The following HIP1 variants were observed in gnomAD, a reference collection of about 807,000 sequenced individuals.
The protein encoded by HIP1 is huntingtin interacting protein 1, also known as huntingtin-interacting protein 1.
Under a neutral mutation model 147.6 loss-of-function variants are expected in HIP1, and 65 were observed. That is an observed-to-expected ratio of 0.44 (90% CI 0.36 to 0.54). HIP1 has a LOEUF of 0.54. Ranked by LOEUF, HIP1 falls within the 20% of genes least tolerant of loss-of-function variation. The probability of loss-of-function intolerance (pLI) is 0.00; values close to 1 mark genes in which losing one functional copy is unlikely to be tolerated. For missense variants in HIP1, 1,061 were observed against 1,299.6 expected, an observed-to-expected ratio of 0.82 and a Z score of 2.82; for synonymous variants, 479 against 504.0, an observed-to-expected ratio of 0.95 and a Z score of 0.67.
chr7:75,584,200 G>T (rs1263002004), intron 5 of HIP1, among the ~76,000 whole-genome samples: 1 of 151,320 alleles, frequency 6.6e-6, no homozygotes, highest in East Asian at 1.9e-4. Context: ...CTGACCTCAG[G>T]TGATCCACCC....
chr7:75,592,543 T>A, intron 2 of HIP1, 29 bp from the exon 3 acceptor site: 1 of 1,604,920 alleles, frequency 6.2e-7, no homozygotes, highest in Admixed American at 1.8e-5. Flanking sequence ...AAACAACGGA[T>A]GGGCTCTGCC....
At chr7:75,729,992 G>A (rs1462559511) in intron 1 of HIP1, among the ~76,000 whole-genome samples, 7 of 152,112 alleles carry the variant, frequency 4.6e-5, no homozygotes, top group African/African-American at 1.7e-4. Flanking sequence ...AGGGCAGGAA[G>A]GAGGGAGGGC....
rs537252292 is a variant in HIP1, at chr7:75,728,195, C to G, written c.120+10606G>C. Among the ~76,000 whole-genome samples, 3 of 152,356 alleles carry G rather than the reference C, an allele frequency of 2.0e-5. No individual in the cohort carries two copies. The East Asian group carries it at 5.8e-4, about 29-fold the overall frequency. ...AGGCCACACTGGCTTCCTGAGCTGT[C>G]TTGTGGCAGTATTAGCAGAGGCAGC... is the stretch of plus-strand genomic sequence containing the variant. On this transcript the variant is annotated intron_variant, in intron 1 of 30. Transcript: ENST00000336926.
intron 1 of HIP1, among the ~76,000 whole-genome samples, chr7:75,636,277 C>T (rs1178039939): frequency 1.3e-5 from 2 of 148,964 alleles, no homozygotes; most frequent in Non-Finnish European, 3.0e-5. Context: ...CCTGAACCCG[C>T]GAGGCAGAGG....
chr7:75,604,782 C>T (rs1402303719), intron 1 of HIP1, among the ~76,000 whole-genome samples: 3 of 152,052 alleles, frequency 2.0e-5, no homozygotes, highest in African/African-American at 7.2e-5. Context: ...TTAGATTTAC[C>T]CTAAAAATAA....
Position 75,537,388 on chromosome 7 carries a change from T to C in HIP1, c.*784A>G, listed in dbSNP as rs78816005. 3.3e-4 allele frequency: 77 copies of C among 232,526 alleles called. No individual in the cohort carries two copies. The East Asian group carries it at 4.2e-3, about 13-fold the overall frequency. The allele number at this position is 232,526 out of a possible 1,614,324, so 14.4% of individuals were successfully genotyped here. ...ACTGGGTGGGCCAGCACTTGGTCAG[T>C]GTGGAGGCGGAGATGGAGCACCGAG... On this transcript the variant is annotated 3_prime_UTR_variant, in exon 31 of 31. Coordinates refer to ENST00000336926, the MANE Select transcript of HIP1 (RefSeq NM_005338.7).
At chr7:75,728,295 T>A (rs1801718207) in intron 1 of HIP1, among the ~76,000 whole-genome samples, 1 of 152,154 alleles carries the variant, frequency 6.6e-6, no homozygotes, top group South Asian at 2.1e-4. Context: ...TAAATCACGG[T>A]CCCTCTCCCC....
At position 75,535,170 on chromosome 7, in the gene HIP1, G is replaced by C. The variant is rs973513131; in HGVS notation, c.*3002C>G. ...CTTCTGTTTAAGTGCTTTCTTAACC[G>C]TTATGACTCAGGCTAAGTCGATGAA... On this transcript the variant is annotated 3_prime_UTR_variant, in exon 31 of 31. Transcript: ENST00000336926. 5 of 213,364 alleles carry C rather than the reference G, an allele frequency of 2.3e-5. No individual in the cohort carries two copies. Among genetic ancestry groups the C allele is most frequent in the Non-Finnish European group, 4.7e-5 (5 of 105,500 alleles). The allele number at this position is 213,364 out of a possible 1,614,324, so 13.2% of individuals were successfully genotyped here. A position where few individuals can be genotyped will look rare whatever the true frequency, so the allele number is the denominator to read the frequency against.
chr7:75,556,010 C>T lies in HIP1; in HGVS notation c.1827+16G>A. 2 of 1,613,496 alleles carry T rather than the reference C, an allele frequency of 1.2e-6. No homozygotes were observed. The highest frequency in any genetic ancestry group is 8.5e-7 in the Non-Finnish European group (1 of 1,179,632). On this transcript the variant is annotated intron_variant, in intron 18 of 30. Coordinates refer to ENST00000336926, the MANE Select transcript of HIP1 (RefSeq NM_005338.7). Reference sequence around the variant, plus strand: ...GAATTCACAGGTGCTCGCTCGTGTCCATGTCCGTGACTTGCCTCTGTGCTG... The same window carrying T: ...GAATTCACAGGTGCTCGCTCGTGTCTATGTCCGTGACTTGCCTCTGTGCTG...
At chr7:75,657,445 G>A (rs1364971422) in intron 1 of HIP1, among the ~76,000 whole-genome samples, 2 of 150,330 alleles carry the variant, frequency 1.3e-5, no homozygotes, top group African/African-American at 2.4e-5. Flanking sequence ...CAGGAGAATC[G>A]CTTGAACCCG....
At chr7:75,733,205 C>A (rs62475481) in intron 1 of HIP1, among the ~76,000 whole-genome samples, 14,441 of 151,996 alleles carry the variant, frequency 0.095, 845 homozygotes, top group Middle Eastern at 0.15. Context: ...ACCTGGAGTC[C>A]TGGTTTTGAA....
intron 1 of HIP1, among the ~76,000 whole-genome samples, chr7:75,651,031 T>C (rs1554511876): frequency 6.6e-6 from 1 of 151,968 alleles, no homozygotes; most frequent in East Asian, 1.9e-4. Flanking sequence ...TGCTTATTCA[T>C]CCCGCACATT....
chr7:75,544,923 GT>G lies in HIP1; in HGVS notation c.2661-124del, dbSNP rs1245810678. On this transcript the variant is annotated intron_variant, in intron 26 of 30. Coordinates refer to ENST00000336926, the MANE Select transcript of HIP1 (RefSeq NM_005338.7). ...AGGGAGGGGAGGCTGCCTGCCCTGTGTCCCCTGGGAGAGCCAGGCTCCCTTG... is the reference window on the plus strand; with the variant it reads ...AGGGAGGGGAGGCTGCCTGCCCTGTGCCCCTGGGAGAGCCAGGCTCCCTTG... The G allele has an allele frequency of 9.6e-5, 73 of 759,444 alleles. No individual in the cohort carries two copies. In the African/African-American group the frequency reaches 1.2e-3, roughly 12 times the overall value. The allele number at this position is 759,444 out of a possible 1,614,324, so 47.0% of individuals were successfully genotyped here. A position where few individuals can be genotyped will look rare whatever the true frequency, so the allele number is the denominator to read the frequency against.
chr7:75,639,911 G>A (rs1798591517), intron 1 of HIP1, among the ~76,000 whole-genome samples: 1 of 152,176 alleles, frequency 6.6e-6, no homozygotes, highest in Non-Finnish European at 1.5e-5. Flanking sequence ...AAGGCTCTGA[G>A]CGTCCCCCTC....
chr7:75,623,048 T>A (rs1287134492), intron 1 of HIP1, among the ~76,000 whole-genome samples: 1 of 150,688 alleles, frequency 6.6e-6, no homozygotes, highest in Non-Finnish European at 1.5e-5. Flanking sequence ...AAATAAAAAA[T>A]TTAGCCAGGC....
In HIP1 at chr7:75,568,108, G is replaced by T; in HGVS notation, c.803+91C>A. On this transcript the variant is annotated intron_variant, in intron 9 of 30. Coordinates refer to ENST00000336926, the MANE Select transcript of HIP1 (RefSeq NM_005338.7). This position sits in a 1 kb window ranked among gnomAD's most constrained non-coding sequence, Gnocchi z 4.1. ...TGGGGTTACAGGCATGAACCACTGT[G>T]TCCAGCCACCTCTCACAGTGCACTT... is the stretch of plus-strand genomic sequence containing the variant. 1 of 941,032 alleles carries T rather than the reference G, an allele frequency of 1.1e-6. No individual in the cohort carries two copies. The highest frequency in any genetic ancestry group is 1.7e-6 in the Non-Finnish European group (1 of 572,088). The allele number at this position is 941,032 out of a possible 1,614,324, so 58.3% of individuals were successfully genotyped here.
rs587689581 is a variant in HIP1 at position 75,561,649 on chromosome 7, T to C, written c.1119-248A>G. Among the ~76,000 whole-genome samples, 6 of 152,272 alleles carry C rather than the reference T, an allele frequency of 3.9e-5. No homozygotes were observed. In the East Asian group the frequency reaches 1.2e-3, roughly 29 times the overall value. On this transcript the variant is annotated intron_variant, in intron 12 of 30. Coordinates refer to ENST00000336926, the MANE Select transcript of HIP1 (RefSeq NM_005338.7). ...AGACATTCCTTTTTTGTGTGTGTTT[T>C]CGGTTTTGTTTTAGAGACAGTCTGG...
In HIP1 at chr7:75,543,019, A is replaced by G. The variant is rs147010697; in HGVS notation, c.2767-45T>C. On this transcript the variant is annotated intron_variant, in intron 27 of 30. Coordinates refer to ENST00000336926, the MANE Select transcript of HIP1 (RefSeq NM_005338.7). ...TTAGGTTCATACAACACCTAGAGCA[A>G]CAAGGACTGAATCAGATAATTGCTC... 2.7e-4 allele frequency: 433 copies of G among 1,577,508 alleles called. 2 individuals carry two copies. The African/African-American group carries it at 5.1e-3, about 19-fold the overall frequency.
intron 1 of HIP1, among the ~76,000 whole-genome samples, chr7:75,669,136 C>A (rs370051663): frequency 2.6e-5 from 4 of 151,712 alleles, no homozygotes; most frequent in Non-Finnish European, 5.9e-5. Context: ...GAGGCCGAGG[C>A]GGGTGGATCA....
Sources: gnomAD v4.1 joint callset for allele counts (sites outside exome capture counted in the v4.1 genomes callset) on GRCh38, gnomAD v4.1.1 for gene constraint, Gnocchi (gnomAD v3.1) non-coding constraint, MANE v1.5 for transcripts, NCBI Gene and HGNC (gene_info 2026-07-23, HGNC 2026-07-21) for gene names.